Variants in GNAT3 observed in about 807,000 individuals in gnomAD.
The protein encoded by GNAT3 is guanine nucleotide-binding protein G(t) subunit alpha-3.
In GNAT3, 31 loss-of-function variants were observed where a neutral mutation model predicts 37.7. That is an observed-to-expected ratio of 0.82 (90% CI 0.62 to 1.11). The LOEUF is 1.11. Among genes scored for constraint, GNAT3 ranks in the 50% most tolerant of loss-of-function variants. The probability of loss-of-function intolerance (pLI) is 0.00; values close to 1 mark genes in which losing one functional copy is unlikely to be tolerated. For missense variants in GNAT3, 437 were observed against 412.5 expected (o/e 1.06, Z -0.51); for synonymous variants, 138 against 139.8 (o/e 0.99, Z 0.09).
At chr7:80,494,458 T>C in intron 2 of GNAT3, 147 bp downstream of exon 2, 1 of 542,618 alleles carries the variant, frequency 1.8e-6, no homozygotes, top group South Asian at 3.0e-5. Flanking sequence ...GGATACAAGG[T>C]ATATTTGCAC....
chr7:80,503,731 G>C (rs1167383564), intron 1 of GNAT3, among the ~76,000 whole-genome samples: 1 of 152,140 alleles, frequency 6.6e-6, no homozygotes, highest in Non-Finnish European at 1.5e-5. Flanking sequence ...AAGTAAAGTT[G>C]GGAAATTATT....
intron 1 of GNAT3, among the ~76,000 whole-genome samples, chr7:80,510,185 C>T (rs190804894): frequency 1.3e-5 from 2 of 152,204 alleles, no homozygotes; most frequent in East Asian, 3.9e-4. Flanking sequence ...TGTTCTTTTC[C>T]GTCACAACTG....
intron 1 of GNAT3, among the ~76,000 whole-genome samples, chr7:80,506,358 CCTG>C (rs1790940514): frequency 6.6e-6 from 1 of 152,034 alleles, no homozygotes; most frequent in Non-Finnish European, 1.5e-5. Flanking sequence ...GCCTTACGAG[CCTG>C]CTTTTAAGAT....
At chr7:80,502,549 A>G (rs1790853858) in intron 1 of GNAT3, among the ~76,000 whole-genome samples, 1 of 152,084 alleles carries the variant, frequency 6.6e-6, no homozygotes, top group African/African-American at 2.4e-5. Context: ...GGCCTTGGTT[A>G]ATCACATGGT....
intron 1 of GNAT3, among the ~76,000 whole-genome samples, chr7:80,502,136 CAATA>C (rs1186163483): frequency 1.3e-5 from 2 of 151,784 alleles, no homozygotes; most frequent in African/African-American, 2.4e-5. Flanking sequence ...ATAATAGTGA[CAATA>C]AATAAGAGGA....
chr7:80,510,562 C>T (rs1245635662), intron 1 of GNAT3, among the ~76,000 whole-genome samples: 1 of 152,130 alleles, frequency 6.6e-6, no homozygotes, highest in Non-Finnish European at 1.5e-5. Flanking sequence ...CAGAAACTAA[C>T]AGAATTCTAT....
chr7:80,487,707 T>C (rs1790515402), intron 3 of GNAT3: 1 of 152,108 alleles, frequency 6.6e-6, no homozygotes, highest in Non-Finnish European at 1.5e-5. Context: ...AGAATTACGT[T>C]GGTAGGCATT....
chr7:80,482,505 TTTTG>T (rs770082717), intron 3 of GNAT3, among the ~76,000 whole-genome samples: 34 of 151,970 alleles, frequency 2.2e-4, no homozygotes, highest in Middle Eastern at 3.4e-3. Flanking sequence ...TTTTTTGTTT[TTTTG>T]TTTGTTTGTT....
chr7:80,495,057 C>T (rs973228645), intron 1 of GNAT3, among the ~76,000 whole-genome samples: 2 of 151,814 alleles, frequency 1.3e-5, no homozygotes, highest in Non-Finnish European at 2.9e-5. Context: ...CTGGCAAAGA[C>T]ATCAAAGACA....
chr7:80,511,616 G>T (rs188231224), intron 1 of GNAT3, among the ~76,000 whole-genome samples, 193 bp downstream of exon 1: 131 of 151,890 alleles, frequency 8.6e-4, no homozygotes, highest in African/African-American at 3.0e-3. Context: ...TAACAAAAAG[G>T]TAATAAAATA....
At chr7:80,493,598 C>T (rs771777689) in intron 2 of GNAT3, among the ~76,000 whole-genome samples, 1 of 123,636 alleles carries the variant, frequency 8.1e-6, no homozygotes, top group Non-Finnish European at 1.8e-5. Flanking sequence ...CTTCATCCTC[C>T]TCTTTCCTCC....
intron 1 of GNAT3, among the ~76,000 whole-genome samples, chr7:80,501,513 C>T (rs1353368112): frequency 6.6e-6 from 1 of 151,924 alleles, no homozygotes; most frequent in Non-Finnish European, 1.5e-5. Flanking sequence ...ATACTATATA[C>T]TCCATATTCA....
intron 4 of GNAT3, among the ~76,000 whole-genome samples, chr7:80,477,794 T>C (rs1240599484): frequency 6.6e-6 from 1 of 152,220 alleles, no homozygotes; most frequent in Non-Finnish European, 1.5e-5. Flanking sequence ...TTACACTTTT[T>C]CACACATATG....
chr7:80,459,934 T>C (rs918355292), intron 7 of GNAT3, among the ~76,000 whole-genome samples: 2 of 152,166 alleles, frequency 1.3e-5, no homozygotes. Flanking sequence ...GGCAGTTTCT[T>C]ACAAAGCTAA....
intron 3 of GNAT3, among the ~76,000 whole-genome samples, chr7:80,479,662 G>A (rs1255546309): frequency 7.6e-6 from 1 of 132,070 alleles, no homozygotes; most frequent in Non-Finnish European, 1.5e-5. Context: ...AGTGGGCAGA[G>A]ATTGCACCAC....
chr7:80,494,621 T>C lies in GNAT3; in HGVS notation c.145A>G (p.Ile49Val), dbSNP rs767866686. The C allele has an allele frequency of 6.5e-7, 1 of 1,531,054 alleles. No homozygotes were observed. Among genetic ancestry groups the C allele is most frequent in the Non-Finnish European group, 8.9e-7 (1 of 1,118,350 alleles). 94.8% of individuals were successfully genotyped at this position (1,531,054 alleles called of 1,614,324 possible). A position where few individuals can be genotyped will look rare whatever the true frequency, so the allele number is the denominator to read the frequency against. Residue 49 changes from isoleucine (I) to valine (V), a missense_variant, in exon 2 of 8, where the codon ATT becomes GTT. Coordinates refer to ENST00000398291, the MANE Select transcript of GNAT3 (RefSeq NM_001102386.3). Reference sequence around the variant, plus strand: ...TATACCTACTTCATTTGTTTAACAATAGTACTTTTCCCAGATTCTCCTGCT... The same window carrying C: ...TATACCTACTTCATTTGTTTAACAACAGTACTTTTCCCAGATTCTCCTGCT... ...LGAGESGKST[I>V]VKQMKIIHKN...
chr7:80,478,803 G>A (rs1790344273), intron 4 of GNAT3, 38 bp downstream of exon 4: 3 of 1,585,484 alleles, frequency 1.9e-6, no homozygotes, highest in Non-Finnish European at 2.6e-6. Flanking sequence ...AATTTTAAAT[G>A]TTTTACCTCC....
chr7:80,505,275 G>A (rs1404817370), intron 1 of GNAT3, among the ~76,000 whole-genome samples: 1 of 152,196 alleles, frequency 6.6e-6, no homozygotes. Context: ...TTAAAAGGAA[G>A]TAGATTAAAT....
chr7:80,491,882 G>A (rs192744303), intron 2 of GNAT3, among the ~76,000 whole-genome samples: 1 of 152,080 alleles, frequency 6.6e-6, no homozygotes, highest in African/African-American at 2.4e-5. Flanking sequence ...AATAATAAAA[G>A]AAGTGCTCAT....
Sources: gnomAD v4.1 joint callset for allele counts (sites outside exome capture counted in the v4.1 genomes callset) on GRCh38, gnomAD v4.1.1 for gene constraint, MANE v1.5 for transcripts, NCBI Gene and HGNC (gene_info 2026-07-23, HGNC 2026-07-21) for gene names.